Variants in MNAT1 observed in about 807,000 individuals in gnomAD.
The protein encoded by MNAT1 is CDK-activating kinase assembly factor MAT1.
In MNAT1, 43 loss-of-function variants were observed where a neutral mutation model predicts 42.0. The ratio of observed to expected loss-of-function variants is 1.02; its 90% CI spans 0.80 to 1.32. MNAT1 has a LOEUF of 1.32. Among genes scored for constraint, MNAT1 ranks in the 40% most tolerant of loss-of-function variants. The pLI, the probability that MNAT1 is intolerant of heterozygous loss-of-function variation, is 0.00. For missense variants in MNAT1, 306 were observed against 350.4 expected, an observed-to-expected ratio of 0.87 and a Z score of 1.01; for synonymous variants, 118 against 120.0, an observed-to-expected ratio of 0.98 and a Z score of 0.11.
intron 1 of MNAT1, among the ~76,000 whole-genome samples, chr14:60,763,079 CA>C (rs1209027013): frequency 1.1e-4 from 16 of 152,108 alleles, no homozygotes; most frequent in African/African-American, 3.9e-4. Context: ...TGAAACACTG[CA>C]GATTCATACC....
intron 7 of MNAT1, among the ~76,000 whole-genome samples, chr14:60,904,070 A>T (rs1042796172): frequency 6.6e-6 from 1 of 151,972 alleles, no homozygotes. Context: ...ATGGGGTTTC[A>T]CCATATTGGC....
At chr14:60,771,039 G>A (rs2031033753) in intron 1 of MNAT1, among the ~76,000 whole-genome samples, 1 of 151,968 alleles carries the variant, frequency 6.6e-6, no homozygotes, top group African/African-American at 2.4e-5. Flanking sequence ...TATGAGTTAT[G>A]GTTTCTCTAG....
At chr14:60,904,171 T>C (rs2035141410) in intron 7 of MNAT1, among the ~76,000 whole-genome samples, 1 of 152,214 alleles carries the variant, frequency 6.6e-6, no homozygotes, top group South Asian at 2.1e-4. Flanking sequence ...GTGCCCGACC[T>C]TAAGTTTATA....
chr14:60,759,007 A>G (rs992610639), intron 1 of MNAT1, among the ~76,000 whole-genome samples: 2 of 152,168 alleles, frequency 1.3e-5, no homozygotes, highest in African/African-American at 2.4e-5. Context: ...ACCCCACATC[A>G]TCCTGTAGTT....
chr14:60,797,145 T>C (rs933696202), intron 2 of MNAT1, among the ~76,000 whole-genome samples: 5 of 152,190 alleles, frequency 3.3e-5, no homozygotes, highest in African/African-American at 1.2e-4. Flanking sequence ...TTTGGTGGTA[T>C]ACATTTCAAC....
intron 6 of MNAT1, among the ~76,000 whole-genome samples, chr14:60,864,851 T>G (rs2034170529): frequency 6.6e-6 from 1 of 151,994 alleles, no homozygotes. Context: ...GTATTCATAG[T>G]GTTTGTTGTT....
chr14:60,883,058 C>T (rs1474303591), intron 7 of MNAT1, among the ~76,000 whole-genome samples: 6 of 152,014 alleles, frequency 3.9e-5, no homozygotes, highest in South Asian at 2.1e-4. Flanking sequence ...TCGATTTCTT[C>T]GCTTTGCAGA....
chr14:60,735,722 G>C (rs771055538), intron 1 of MNAT1, among the ~76,000 whole-genome samples: 4 of 152,214 alleles, frequency 2.6e-5, no homozygotes. Flanking sequence ...AGGGGAAGGG[G>C]GCAGAAGGAG....
chr14:60,774,618 G>A (rs1306592241), intron 1 of MNAT1, among the ~76,000 whole-genome samples: 2 of 152,182 alleles, frequency 1.3e-5, no homozygotes, highest in African/African-American at 4.8e-5. Context: ...GAACAGTTGG[G>A]AAATCTTAGC....
At chr14:60,941,830 C>G (rs1160340801) in intron 7 of MNAT1, among the ~76,000 whole-genome samples, 1 of 150,990 alleles carries the variant, frequency 6.6e-6, no homozygotes, top group Non-Finnish European at 1.5e-5. Context: ...TGGTGAAACC[C>G]CGTCTCTACT....
chr14:60,781,831 T>C (rs996620700), intron 1 of MNAT1, among the ~76,000 whole-genome samples: 1 of 152,154 alleles, frequency 6.6e-6, no homozygotes, highest in Non-Finnish European at 1.5e-5. Context: ...GAAGCATCTC[T>C]CCTTATCTAG....
At chr14:60,792,046 T>C (rs1267376894) in intron 1 of MNAT1, among the ~76,000 whole-genome samples, 1 of 152,104 alleles carries the variant, frequency 6.6e-6, no homozygotes, top group East Asian at 1.9e-4. Flanking sequence ...TTGGGAAAAA[T>C]GTATTTTGAG....
At chr14:60,817,867 TC>T (rs1333498823) in intron 5 of MNAT1, among the ~76,000 whole-genome samples, 1 of 151,830 alleles carries the variant, frequency 6.6e-6, no homozygotes, top group Non-Finnish European at 1.5e-5. Flanking sequence ...AAATTCTCAA[TC>T]TCTCTCTCTG....
chr14:60,916,977 AC>A (rs1350461522), intron 7 of MNAT1, among the ~76,000 whole-genome samples: 2 of 152,174 alleles, frequency 1.3e-5, no homozygotes, highest in African/African-American at 2.4e-5. Flanking sequence ...AAATTAAAAA[AC>A]AAAAATAAAA....
At chr14:60,946,216 C>T (rs1225307527) in intron 7 of MNAT1, among the ~76,000 whole-genome samples, 1 of 152,188 alleles carries the variant, frequency 6.6e-6, no homozygotes, top group Admixed American at 6.5e-5. Flanking sequence ...CTTAAAACCA[C>T]ATAGTCGCTT....
intron 1 of MNAT1, among the ~76,000 whole-genome samples, chr14:60,794,564 C>A (rs1487196462): frequency 7.0e-6 from 1 of 143,676 alleles, no homozygotes; most frequent in Admixed American, 7.3e-5. Context: ...TACTGAGGAG[C>A]CTGATGTAGG....
intron 4 of MNAT1, among the ~76,000 whole-genome samples, chr14:60,811,312 T>C (rs1200992305): frequency 6.9e-6 from 1 of 145,822 alleles, no homozygotes; most frequent in African/African-American, 2.5e-5. Flanking sequence ...TTTTTTTTTT[T>C]TTTTTTTTGA....
At chr14:60,872,816 G>A (rs1473853561) in intron 6 of MNAT1, among the ~76,000 whole-genome samples, 2 of 144,262 alleles carry the variant, frequency 1.4e-5, no homozygotes, top group African/African-American at 2.6e-5. Flanking sequence ...TAATATTTTG[G>A]TATTACATCA....
intron 6 of MNAT1, among the ~76,000 whole-genome samples, chr14:60,841,712 A>T (rs1485965184): frequency 6.6e-6 from 1 of 152,120 alleles, no homozygotes; most frequent in Non-Finnish European, 1.5e-5. Context: ...ATTAAATATT[A>T]TAAGACTTTG....
Sources: allele counts gnomAD v4.1 joint callset (sites outside exome capture counted in the v4.1 genomes callset), GRCh38; gene constraint gnomAD v4.1.1; transcripts MANE v1.5; gene names NCBI Gene and HGNC (gene_info 2026-07-23, HGNC 2026-07-21).